The following NPAS3 variants were observed in gnomAD, a reference collection of about 807,000 sequenced individuals.
NPAS3 encodes the protein neuronal PAS domain protein 3, also known as neuronal PAS domain-containing protein 3.
A neutral mutation model predicts 73.1 loss-of-function variants in NPAS3; 14 were observed. The ratio of observed to expected loss-of-function variants is 0.19; its 90% CI spans 0.13 to 0.30. NPAS3 has a LOEUF of 0.30. Ranked by LOEUF, NPAS3 falls within the 10% of genes least tolerant of loss-of-function variation. The pLI is 1.00. For missense variants in NPAS3, 1,096 were observed against 1,250.0 expected (o/e 0.88, Z 1.86); for synonymous variants, 620 against 541.5 (o/e 1.14, Z -2.01).
intron 3 of NPAS3, among the ~76,000 whole-genome samples, chr14:33,329,105 A>C (rs536237395): frequency 1.3e-5 from 2 of 152,172 alleles, no homozygotes; most frequent in Non-Finnish European, 2.9e-5. Flanking sequence ...TTGATAGCTC[A>C]GGTATGATGT....
At chr14:33,454,218 G>A (rs1048175427) in intron 4 of NPAS3, among the ~76,000 whole-genome samples, 1 of 152,148 alleles carries the variant, frequency 6.6e-6, no homozygotes, top group African/African-American at 2.4e-5. Flanking sequence ...TTAATGCCAA[G>A]TCAGCTTTAT....
chr14:33,568,337 C>T (rs1306523374), intron 5 of NPAS3, among the ~76,000 whole-genome samples: 1 of 152,050 alleles, frequency 6.6e-6, no homozygotes, highest in African/African-American at 2.4e-5. Flanking sequence ...ATATAATGTC[C>T]CTGGTTTTCT....
chr14:33,676,930 A>G (rs530649786), intron 6 of NPAS3, among the ~76,000 whole-genome samples: 14 of 152,328 alleles, frequency 9.2e-5, no homozygotes, highest in African/African-American at 3.4e-4. Context: ...ATTTAATTAG[A>G]TCAATTGTAT....
At chr14:32,980,085 G>A (rs779132668) in intron 1 of NPAS3, among the ~76,000 whole-genome samples, 3 of 152,260 alleles carry the variant, frequency 2.0e-5, no homozygotes, top group South Asian at 4.1e-4. Context: ...TATCCAGACC[G>A]GGGAGCTAAA....
chr14:32,991,983 A>G (rs2038354088), intron 1 of NPAS3, among the ~76,000 whole-genome samples: 1 of 152,242 alleles, frequency 6.6e-6, no homozygotes, highest in Non-Finnish European at 1.5e-5. Flanking sequence ...ACAATCACAC[A>G]GATGGAATGC....
intron 5 of NPAS3, among the ~76,000 whole-genome samples, chr14:33,605,393 T>TAA (rs57109563): frequency 0.17 from 23,864 of 137,204 alleles, 2,593 homozygotes; most frequent in East Asian, 0.29. Context: ...GCATTCAAAT[T>TAA]AAAAAAAAAA....
intron 2 of NPAS3, among the ~76,000 whole-genome samples, chr14:33,073,543 T>C (rs28539735): frequency 0.011 from 1,665 of 152,260 alleles, 31 homozygotes; most frequent in African/African-American, 0.039. Context: ...GCAAACTTAT[T>C]TGTGGCTGTC....
chr14:32,975,892 TGTGTGA>T lies in NPAS3; in HGVS notation c.50+36528_50+36533del, dbSNP rs1393008111. Among the ~76,000 whole-genome samples the T allele has an allele frequency of 8.9e-3, 1,080 of 120,934 alleles. 12 individuals are homozygous for T. Among genetic ancestry groups the T allele is most frequent in the African/African-American group, 0.031 (984 of 31,454 alleles). The allele number at this position is 120,934 out of a possible 152,430, so 79.3% of individuals were successfully genotyped here. A position where few individuals can be genotyped will look rare whatever the true frequency, so the allele number is the denominator to read the frequency against. ...GTGTGTGTGTGTGTGTGTGTGTGTG[TGTGTGA>T]GAGAGAGAGAGTTTGCAGACACGCA... On this transcript the variant is annotated intron_variant, in intron 1 of 11. Coordinates refer to ENST00000356141, the Ensembl canonical transcript of NPAS3.
At chr14:33,075,422 C>T (rs1334780993) in intron 2 of NPAS3, among the ~76,000 whole-genome samples, 1 of 152,056 alleles carries the variant, frequency 6.6e-6, no homozygotes, top group Non-Finnish European at 1.5e-5. Flanking sequence ...ATCTATTGTA[C>T]CATTAAAGTT....
intron 1 of NPAS3, among the ~76,000 whole-genome samples, chr14:32,950,425 C>T (rs1005212825): frequency 6.6e-6 from 1 of 152,026 alleles, no homozygotes; most frequent in Admixed American, 6.6e-5. Flanking sequence ...TTTCCATAAC[C>T]TATACTGCTC....
intron 2 of NPAS3, among the ~76,000 whole-genome samples, chr14:33,187,518 C>T (rs1159422992): frequency 6.6e-6 from 1 of 152,004 alleles, no homozygotes; most frequent in African/African-American, 2.4e-5. Context: ...TTGTTGTATA[C>T]TTGTTTCCCT....
chr14:33,364,219 T>C (rs564042853), intron 3 of NPAS3, among the ~76,000 whole-genome samples: 68 of 152,256 alleles, frequency 4.5e-4, no homozygotes, highest in African/African-American at 1.6e-3. Flanking sequence ...CCTTTAGTTG[T>C]TTTAGATCAT....
chr14:33,767,510 A>C (rs2062501803), intron 7 of NPAS3, among the ~76,000 whole-genome samples: 1 of 152,092 alleles, frequency 6.6e-6, no homozygotes, highest in Non-Finnish European at 1.5e-5. Flanking sequence ...AGAGTGCCAG[A>C]AGGAAGCTTA....
chr14:33,753,976 C>T (rs1183927467), intron 7 of NPAS3, among the ~76,000 whole-genome samples: 1 of 152,140 alleles, frequency 6.6e-6, no homozygotes. Flanking sequence ...TAGCAATCCT[C>T]TGTTCAGATG....
At chr14:33,350,598 C>G (rs543515252) in intron 3 of NPAS3, among the ~76,000 whole-genome samples, 1 of 152,352 alleles carries the variant, frequency 6.6e-6, no homozygotes, top group East Asian at 1.9e-4. Context: ...GAAGAGACAG[C>G]TGTAACTATT....
chr14:33,509,167 T>G (rs998579440), intron 4 of NPAS3, among the ~76,000 whole-genome samples: 1 of 152,042 alleles, frequency 6.6e-6, no homozygotes, highest in Non-Finnish European at 1.5e-5. Flanking sequence ...AATTGATTCT[T>G]GATCATATAT....
In NPAS3 at chr14:33,800,172, G is replaced by A; in HGVS notation, c.1865G>A (p.Ser622Asn). Residue 622 changes from serine (S) to asparagine (N), a missense_variant, in exon 12 of 12, where the codon AGC becomes AAC. Transcript: ENST00000356141. This position sits in a 1 kb window ranked among gnomAD's most constrained non-coding sequence, Gnocchi z 6.5. The stretch of plus-strand genomic sequence containing the variant: ...CGCCGGCGCCTGTCCAGCGCGTCGA[G>A]CCCAGGCGGCCTGGACGCGGGCCTG... The A allele has an allele frequency of 6.2e-7, 1 of 1,608,516 alleles. No individual in the cohort carries two copies. The highest frequency in any genetic ancestry group is 8.5e-7 in the Non-Finnish European group (1 of 1,178,334).
intron 4 of NPAS3, among the ~76,000 whole-genome samples, chr14:33,443,846 C>T (rs1169000928): frequency 1.3e-5 from 2 of 152,080 alleles, no homozygotes; most frequent in African/African-American, 2.4e-5. Context: ...TGGAGCCATT[C>T]GGGTAGGGTA....
intron 2 of NPAS3, among the ~76,000 whole-genome samples, chr14:33,165,334 A>G (rs2045088321): frequency 6.6e-6 from 1 of 151,394 alleles, no homozygotes; most frequent in Non-Finnish European, 1.5e-5. Flanking sequence ...ATAATCTAGT[A>G]GGCTATCCTC....
Sources: allele counts gnomAD v4.1 joint callset (sites outside exome capture counted in the v4.1 genomes callset), GRCh38; gene constraint gnomAD v4.1.1; non-coding constraint Gnocchi (gnomAD v3.1); transcripts MANE v1.5; gene names NCBI Gene and HGNC (gene_info 2026-07-23, HGNC 2026-07-21).